SGCD: variants seen among roughly 807,000 people sequenced by gnomAD.
SGCD encodes delta-sarcoglycan.
In SGCD, 18 loss-of-function variants were observed where a neutral mutation model predicts 36.6. The ratio of observed to expected loss-of-function variants is 0.49; its 90% confidence interval spans 0.34 to 0.73. The LOEUF is 0.73. Ranked by LOEUF, SGCD falls within the 30% of genes least tolerant of loss-of-function variation. The pLI is 0.01. For synonymous variants in SGCD, 133 were observed against 130.6 expected (o/e 1.02, Z -0.12); for missense variants, 387 against 346.7 (o/e 1.12, Z -0.92).
Position 156,669,626 on chromosome 5 carries a change from T to C in SGCD, c.575+22090T>C, listed in dbSNP as rs374804614. On this transcript the variant is annotated intron_variant, in intron 7 of 8. Transcript: ENST00000337851. ...GACCAGCCTTCAAGACAGGGTATTA[T>C]GCCAGTCATAAAGTATCTTATGTGA... Among the ~76,000 whole-genome samples, 27 of 152,364 alleles carry C rather than the reference T, an allele frequency of 1.8e-4. No homozygotes were observed. The East Asian group carries it at 4.1e-3, about 23-fold the overall frequency.
chr5:156,712,412 C>T (rs551720093), intron 7 of SGCD, among the ~76,000 whole-genome samples: 37 of 152,296 alleles, frequency 2.4e-4, no homozygotes, highest in Non-Finnish European at 4.7e-4. Context: ...ACACTGTCTT[C>T]ATCTTATGAA....
In SGCD at chr5:156,534,235, A is replaced by G. The variant is rs143890982; in HGVS notation, c.294+25533A>G. Among the ~76,000 whole-genome samples the G allele has an allele frequency of 7.3e-5, 11 of 150,616 alleles. No individual in the cohort carries two copies. The East Asian group carries it at 1.8e-3, about 24-fold the overall frequency. ...AAATTGTCTGGTCCTACTCAGCTCC[A>G]TGGAGCTGCCAGACACGCCCCCACA... is the stretch of plus-strand genomic sequence containing the variant. On this transcript the variant is annotated intron_variant, in intron 4 of 8. Transcript: ENST00000337851.
chr5:156,564,935 A>G (rs1759418766), intron 4 of SGCD, among the ~76,000 whole-genome samples: 1 of 152,192 alleles, frequency 6.6e-6, no homozygotes, highest in South Asian at 2.1e-4. Flanking sequence ...TAGCACATTG[A>G]CTTAACAGCT....
chr5:155,935,438 T>G (rs1381324976), intron 1 of SGCD, among the ~76,000 whole-genome samples: 1 of 152,118 alleles, frequency 6.6e-6, no homozygotes, highest in Non-Finnish European at 1.5e-5. Flanking sequence ...GGGAGATTGA[T>G]GCTACAAAAT....
At chr5:155,863,935 A>AG in the SGCD span, among the ~76,000 whole-genome samples, 1,118 of 152,234 alleles carry the variant, frequency 7.3e-3, 14 homozygotes, top group South Asian at 0.024. Context: ...GCATTTCAGT[A>AG]GGGGGGACAG....
rs1763022559 is a variant in SGCD, at chr5:156,641,432, C to T, written c.503-6032C>T. Among the ~76,000 whole-genome samples, 6 of 152,146 alleles carry T rather than the reference C, an allele frequency of 3.9e-5. No homozygotes were observed. In the South Asian group the frequency reaches 1.2e-3, roughly 32 times the overall value. On this transcript the variant is annotated intron_variant, in intron 6 of 8. Transcript: ENST00000337851. ...GGAGTAACCAGAAAATTATCTTGCACAGAAGATAGTGTTCATTACTCAAAG... is the reference window on the plus strand; with the variant it reads ...GGAGTAACCAGAAAATTATCTTGCATAGAAGATAGTGTTCATTACTCAAAG...
At chr5:156,269,106 G>T (rs948335982) in intron 3 of SGCD, among the ~76,000 whole-genome samples, 5 of 152,002 alleles carry the variant, frequency 3.3e-5, no homozygotes, top group Non-Finnish European at 7.4e-5. Context: ...GGAGGTAAAA[G>T]GCACTTCTTA....
At chr5:156,523,767 C>T (rs1290760927) in intron 4 of SGCD, among the ~76,000 whole-genome samples, 16 of 151,728 alleles carry the variant, frequency 1.1e-4, no homozygotes, top group Admixed American at 1.1e-3. Flanking sequence ...ATTTTTTCTT[C>T]AGTTTGGCAT....
rs1761247435 is a variant in SGCD, at chr5:156,091,643, C to T, written c.-281-26235C>T. 2.6e-5 allele frequency among the ~76,000 whole-genome samples: 4 copies of T among 152,294 alleles called. No homozygotes were observed. In the South Asian group the frequency reaches 8.3e-4, roughly 32 times the overall value. ...GATTTCCAAACAGTCATGCTATCAC[C>T]CAAGGTTGGGTTCCATGGCTGGAAA... On this transcript the variant is annotated intron_variant, in intron 1 of 9. Coordinates refer to the SGCD transcript ENST00000517913.
chr5:156,168,693 A>G (rs1277615084), intron 3 of SGCD, among the ~76,000 whole-genome samples: 1 of 152,252 alleles, frequency 6.6e-6, no homozygotes, highest in African/African-American at 2.4e-5. Flanking sequence ...TAATCCTCGT[A>G]GAGAGCTTCA....
At chr5:155,737,263 A>G in the SGCD span, among the ~76,000 whole-genome samples, 4 of 152,244 alleles carry the variant, frequency 2.6e-5, no homozygotes, top group Non-Finnish European at 4.4e-5. Context: ...TGTCATCAGT[A>G]TATACCCCAC....
intron 3 of SGCD, among the ~76,000 whole-genome samples, chr5:156,159,110 A>T (rs941702476): frequency 6.6e-6 from 1 of 151,564 alleles, no homozygotes; most frequent in African/African-American, 2.4e-5. Context: ...CCTCATTTCC[A>T]CCATTATAGG....
intron 3 of SGCD, among the ~76,000 whole-genome samples, chr5:156,383,512 G>A (rs1382996942): frequency 6.6e-6 from 1 of 151,344 alleles, no homozygotes; most frequent in Non-Finnish European, 1.5e-5. Flanking sequence ...TCTTAAAAAA[G>A]AAAAAGAAAG....
chr5:156,717,130 C>G (rs561977276), intron 7 of SGCD, among the ~76,000 whole-genome samples: 1 of 152,326 alleles, frequency 6.6e-6, no homozygotes, highest in Admixed American at 6.5e-5. Context: ...ATAATCAGTT[C>G]AAAGGAATTC....
chr5:156,429,322 A>G (rs1688975994), intron 3 of SGCD, among the ~76,000 whole-genome samples: 1 of 150,540 alleles, frequency 6.6e-6, no homozygotes, highest in African/African-American at 2.4e-5. Context: ...TGATCTAAAA[A>G]TAGCTACTCC....
chr5:156,418,058 T>G (rs917807202), intron 3 of SGCD, among the ~76,000 whole-genome samples: 7 of 152,140 alleles, frequency 4.6e-5, no homozygotes, highest in African/African-American at 1.4e-4. Context: ...CGTAGACATG[T>G]AGATCTCAGA....
intron 1 of SGCD, among the ~76,000 whole-genome samples, chr5:156,019,791 G>A (rs1240392972): frequency 2.0e-5 from 3 of 152,114 alleles, no homozygotes; most frequent in East Asian, 1.9e-4. Context: ...CATAATGTGC[G>A]GTAGTGATCG....
chr5:156,297,794 AT>A (rs770991008), intron 3 of SGCD, among the ~76,000 whole-genome samples: 3,835 of 83,208 alleles, frequency 0.046, 132 homozygotes, highest in African/African-American at 0.22. Flanking sequence ...TAATAAAAAA[AT>A]AAATAAATAA....
At chr5:156,290,928 C>G (rs1027017641) in intron 3 of SGCD, among the ~76,000 whole-genome samples, 1 of 152,096 alleles carries the variant, frequency 6.6e-6, no homozygotes, top group African/African-American at 2.4e-5. Context: ...GACATAGTGG[C>G]TCTGTTGCAA....
Sources: allele counts gnomAD v4.1 joint callset (sites outside exome capture counted in the v4.1 genomes callset), GRCh38; gene constraint gnomAD v4.1.1; transcripts MANE v1.5; gene names NCBI Gene and HGNC (gene_info 2026-07-23, HGNC 2026-07-21).